The following GRK4 variants were observed in gnomAD, a reference collection of about 807,000 sequenced individuals.
GRK4 encodes G protein-coupled receptor kinase 2-like.
In GRK4, 73 loss-of-function variants were observed where a neutral mutation model predicts 77.9. The ratio of observed to expected loss-of-function variants is 0.94; its 90% confidence interval spans 0.78 to 1.14. GRK4 has a LOEUF of 1.14. Ranked by LOEUF, GRK4 falls within the 50% of genes most tolerant of loss-of-function variation. The pLI, the probability that GRK4 is intolerant of heterozygous loss-of-function variation, is 0.00. For missense variants in GRK4, 729 were observed against 700.2 expected (o/e 1.04, Z -0.46); for synonymous variants, 257 against 254.4 (o/e 1.01, Z -0.10).
intron 6 of GRK4, 76 bp downstream of exon 6, chr4:3,007,904 G>A (rs1049495976): frequency 9.5e-5 from 91 of 962,556 alleles, no homozygotes; most frequent in Middle Eastern, 5.1e-4. Context: ...TCAGGAGGCT[G>A]AGGCTGAAGG....
chr4:2,987,626 T>G (rs1724801749), intron 2 of GRK4, among the ~76,000 whole-genome samples: 1 of 152,192 alleles, frequency 6.6e-6, no homozygotes, highest in Non-Finnish European at 1.5e-5. Context: ...TGCTTTCACT[T>G]GTTTTGTGTA....
rs1560425098 is a variant in GRK4, at chr4:3,001,371, T to TATA, written c.340-2860_340-2859insATA. 6.1e-5 allele frequency among the ~76,000 whole-genome samples: 4 copies of TATA among 65,426 alleles called. No individual in the cohort carries two copies. The South Asian group carries it at 9.2e-4, about 15-fold the overall frequency. 42.9% of individuals were successfully genotyped at this position (65,426 alleles called of 152,430 possible). ...CACACACACATATATATATATATAT[T>TATA]TTTTTTTTTTTTGAGATGGAGTTTC... On this transcript the variant is annotated intron_variant, in intron 4 of 15. Transcript: ENST00000398052.
chr4:2,963,684 C>T lies in GRK4; in HGVS notation c.-387C>T. The T allele has an allele frequency of 5.4e-6, 2 of 372,436 alleles. No individual in the cohort carries two copies. The highest frequency in any genetic ancestry group is 5.0e-5 in the South Asian group (1 of 20,084). 23.1% of individuals were successfully genotyped at this position (372,436 alleles called of 1,614,324 possible). ...GGCGGGCGCCCCTGCCAGTGAGCCC[C>T]TGTCCGAAGTGAGCCACGGCATTGA... On this transcript the variant is annotated 5_prime_UTR_variant, in exon 1 of 16. Transcript: ENST00000398052.
chr4:3,038,349 CTCTG>C, intron 14 of GRK4, 23 bp from the exon 15 acceptor site: 2 of 1,613,590 alleles, frequency 1.2e-6, no homozygotes, highest in Non-Finnish European at 1.7e-6. Flanking sequence ...TCTGCGGCTT[CTCTG>C]TCCTGTTATT....
At chr4:3,013,591 C>T (rs929008115) in intron 7 of GRK4, 97 bp from the exon 8 acceptor site, 56 of 1,416,966 alleles carry the variant, frequency 4.0e-5, no homozygotes, top group Non-Finnish European at 5.1e-5. Flanking sequence ...CTGCTGGTCT[C>T]TGCCAGTGAG....
chr4:3,005,273 A>G (rs1730961999), intron 5 of GRK4, among the ~76,000 whole-genome samples: 1 of 151,930 alleles, frequency 6.6e-6, no homozygotes, highest in Non-Finnish European at 1.5e-5. Flanking sequence ...CCAGGGAGCC[A>G]TGAGAAAGTT....
intron 7 of GRK4, among the ~76,000 whole-genome samples, chr4:3,011,151 C>T (rs1190233677): frequency 6.6e-6 from 1 of 152,092 alleles, no homozygotes; most frequent in Non-Finnish European, 1.5e-5. Flanking sequence ...TGTGAAAGAA[C>T]AGAGGAAAAA....
intron 4 of GRK4, among the ~76,000 whole-genome samples, chr4:2,996,283 G>A (rs935402664): frequency 4.6e-5 from 7 of 152,092 alleles, no homozygotes; most frequent in African/African-American, 1.2e-4. Context: ...GGCCGGGCGC[G>A]GTGGCTCACG....
At chr4:3,014,469 A>T (rs866006318) in intron 8 of GRK4, among the ~76,000 whole-genome samples, 1 of 151,282 alleles carries the variant, frequency 6.6e-6, no homozygotes, top group African/African-American at 2.4e-5. Context: ...ACTAGGTTTT[A>T]ATTTTTTTAT....
intron 11 of GRK4, 123 bp from the exon 12 acceptor site, chr4:3,029,078 T>C: frequency 1.3e-6 from 1 of 759,424 alleles, no homozygotes; most frequent in Non-Finnish European, 2.1e-6. Flanking sequence ...AGCCTTAACA[T>C]AATGTTTTTA....
intron 4 of GRK4, among the ~76,000 whole-genome samples, chr4:2,995,466 C>T (rs1430927149): frequency 3.6e-5 from 5 of 139,298 alleles, no homozygotes; most frequent in Non-Finnish European, 6.0e-5. Context: ...GTTAGGAGTT[C>T]GAGACCAGCC....
chr4:2,965,478 C>G (rs1354582306), intron 1 of GRK4: 2 of 702,930 alleles, frequency 2.8e-6, no homozygotes, highest in Non-Finnish European at 5.2e-6. Flanking sequence ...TGGAGCAGCT[C>G]TGCTCGGACT....
chr4:2,999,385 C>A (rs1354115603), intron 4 of GRK4, among the ~76,000 whole-genome samples: 1 of 152,134 alleles, frequency 6.6e-6, no homozygotes, highest in African/African-American at 2.4e-5. Context: ...ATCTTATCAC[C>A]TTTTTAAAGG....
At chr4:2,993,659 C>T (rs887295183) in intron 4 of GRK4, among the ~76,000 whole-genome samples, 7 of 151,968 alleles carry the variant, frequency 4.6e-5, no homozygotes, top group Admixed American at 6.6e-5. Context: ...GGTCAACAAG[C>T]GAGACTCTGT....
intron 1 of GRK4, chr4:2,965,575 C>T (rs1717402333): frequency 7.7e-6 from 5 of 651,314 alleles, no homozygotes; most frequent in Admixed American, 2.1e-5. Flanking sequence ...CCGAAGGTGG[C>T]GGCCACGCTT....
intron 1 of GRK4, chr4:2,965,353 T>C (rs1717278631): frequency 1.4e-6 from 1 of 702,884 alleles, no homozygotes; most frequent in Admixed American, 2.0e-5. Context: ...CTTGCCTGCG[T>C]CTCAAGAGAG....
intron 3 of GRK4, among the ~76,000 whole-genome samples, chr4:2,989,486 T>G (rs1464697612): frequency 6.6e-6 from 1 of 152,166 alleles, no homozygotes; most frequent in East Asian, 1.9e-4. Flanking sequence ...TGATCTTGGC[T>G]TACTGCAACC....
intron 12 of GRK4, among the ~76,000 whole-genome samples, chr4:3,031,661 A>C (rs533051686): frequency 6.6e-6 from 1 of 152,202 alleles, no homozygotes; most frequent in South Asian, 2.1e-4. Flanking sequence ...TTGGGAGTCC[A>C]TACACCTCCA....
chr4:2,976,771 C>T (rs1347572371), intron 1 of GRK4, among the ~76,000 whole-genome samples: 1 of 152,030 alleles, frequency 6.6e-6, no homozygotes, highest in Non-Finnish European at 1.5e-5. Flanking sequence ...TCCCAAGTAG[C>T]TGGGATTGCA....
Sources: gnomAD v4.1 joint callset for allele counts (sites outside exome capture counted in the v4.1 genomes callset) on GRCh38, gnomAD v4.1.1 for gene constraint, MANE v1.5 for transcripts, NCBI Gene and HGNC (gene_info 2026-07-23, HGNC 2026-07-21) for gene names.